The following STPG2 variants were observed in gnomAD, a reference collection of about 807,000 sequenced individuals.
The protein encoded by STPG2 is sperm tail PG-rich repeat containing 2.
A neutral mutation model predicts 54.2 loss-of-function variants in STPG2; 56 were observed. That is an observed-to-expected ratio of 1.03 (90% CI 0.83 to 1.29). STPG2 has a LOEUF of 1.29. Among genes scored for constraint, STPG2 ranks in the 50% most tolerant of loss-of-function variants. The probability of loss-of-function intolerance (pLI) is 0.00; values close to 1 mark genes in which losing one functional copy is unlikely to be tolerated. For missense variants in STPG2, 596 were observed against 544.9 expected (o/e 1.09, Z -0.93); for synonymous variants, 200 against 181.8 (o/e 1.10, Z -0.81).
chr4:97,554,636 T>TA (rs540900133), downstream of STPG2, among the ~76,000 whole-genome samples: 1 of 152,306 alleles, frequency 6.6e-6, no homozygotes, highest in South Asian at 2.1e-4. Context: ...TCTTGAGCTA[T>TA]AAACAACATT....
At chr4:97,785,435 A>G (rs923975370) in intron 9 of STPG2, among the ~76,000 whole-genome samples, 2 of 152,082 alleles carry the variant, frequency 1.3e-5, no homozygotes, top group African/African-American at 4.8e-5. Flanking sequence ...ATTTCATGTC[A>G]TTGATATAAG....
rs956797780 is a variant in STPG2 at position 97,549,323 on chromosome 4, G to A, written c.462+163376C>T. Among the ~76,000 whole-genome samples the A allele has an allele frequency of 1.3e-4, 20 of 152,172 alleles. 1 individual carries two copies. Among genetic ancestry groups the A allele is most frequent in the Admixed American group, 1.3e-3 (20 of 15,272 alleles). ...AGTTAAAACTAAATGAGTGTTTAAA[G>A]AAAATGTAAATTTTCTCTGACTTGC... On this transcript the variant is annotated intron_variant, in intron 4 of 4. Transcript: ENST00000522676.
At chr4:98,052,509 T>C (rs783931) in intron 5 of STPG2, among the ~76,000 whole-genome samples, 130,705 of 152,168 alleles carry the variant, frequency 0.86, 56,283 homozygotes, top group Middle Eastern at 0.97. Flanking sequence ...AGGATATACA[T>C]ATAGGTATGA....
chr4:98,004,915 A>C (rs546976565), intron 5 of STPG2, among the ~76,000 whole-genome samples: 1 of 143,066 alleles, frequency 7.0e-6, no homozygotes, highest in Non-Finnish European at 1.5e-5. Context: ...GTTTAAAAAT[A>C]TTTTTCCTAT....
chr4:97,693,862 A>T (rs1419016407), intron 10 of STPG2, among the ~76,000 whole-genome samples: 1 of 152,144 alleles, frequency 6.6e-6, no homozygotes, highest in Non-Finnish European at 1.5e-5. Flanking sequence ...TCCAAAAGGA[A>T]CCCTCAAAAC....
At chr4:98,061,419 G>C (rs1445215825) in intron 5 of STPG2, among the ~76,000 whole-genome samples, 1 of 152,082 alleles carries the variant, frequency 6.6e-6, no homozygotes, top group Non-Finnish European at 1.5e-5. Flanking sequence ...GAAGGGGAAA[G>C]TGCCACACAC....
chr4:98,109,960 C>G (rs1739298863), intron 3 of STPG2, among the ~76,000 whole-genome samples: 1 of 152,018 alleles, frequency 6.6e-6, no homozygotes, highest in Non-Finnish European at 1.5e-5. Context: ...ACTGTTTCAC[C>G]AGAAACTAAA....
chr4:97,466,703 A>G (rs1170629762), intron 4 of STPG2, among the ~76,000 whole-genome samples: 1 of 152,070 alleles, frequency 6.6e-6, no homozygotes, highest in African/African-American at 2.4e-5. Flanking sequence ...AGAGTTTAAC[A>G]AAATCATCCA....
intron 8 of STPG2, among the ~76,000 whole-genome samples, chr4:97,861,746 G>A (rs1729549489): frequency 6.6e-6 from 1 of 152,168 alleles, no homozygotes; most frequent in Non-Finnish European, 1.5e-5. Flanking sequence ...CTACAAGCCA[G>A]AAGAGAGTGG....
At chr4:98,055,303 C>T (rs967138217) in intron 5 of STPG2, among the ~76,000 whole-genome samples, 1 of 151,898 alleles carries the variant, frequency 6.6e-6, no homozygotes, top group African/African-American at 2.4e-5. Context: ...CAACTAGATG[C>T]AGACAAGTGA....
At chr4:98,075,034 C>T (rs1379479908) in intron 5 of STPG2, among the ~76,000 whole-genome samples, 1 of 152,156 alleles carries the variant, frequency 6.6e-6, no homozygotes, top group Non-Finnish European at 1.5e-5. Flanking sequence ...ATCTTAGGTC[C>T]ATCAGGGATT....
intron 4 of STPG2, among the ~76,000 whole-genome samples, chr4:97,457,285 A>G (rs532942312): frequency 2.0e-5 from 3 of 152,372 alleles, no homozygotes; most frequent in East Asian, 3.9e-4. Flanking sequence ...ACTTATGTCT[A>G]TTCAAAAACC....
chr4:98,139,275 G>A (rs1334901138), intron 1 of STPG2, among the ~76,000 whole-genome samples: 2 of 152,180 alleles, frequency 1.3e-5, no homozygotes, highest in Non-Finnish European at 2.9e-5. Flanking sequence ...AAAATGTAGA[G>A]ACAATACCCT....
At chr4:97,695,692 T>C (rs562017137) in intron 10 of STPG2, among the ~76,000 whole-genome samples, 152 of 151,456 alleles carry the variant, frequency 1.0e-3, no homozygotes, top group Middle Eastern at 3.4e-3. Flanking sequence ...TAGTCTGCTA[T>C]ACACCAACAC....
intron 7 of STPG2, among the ~76,000 whole-genome samples, chr4:97,966,441 AAACAC>A (rs1467999164): frequency 6.6e-6 from 1 of 152,240 alleles, no homozygotes; most frequent in Non-Finnish European, 1.5e-5. Flanking sequence ...CCAAGCTGGA[AAACAC>A]TCTTCACAAT....
intron 5 of STPG2, among the ~76,000 whole-genome samples, chr4:98,090,804 T>G (rs1213785265): frequency 1.3e-5 from 2 of 152,028 alleles, no homozygotes; most frequent in African/African-American, 4.8e-5. Context: ...TATCCCAGAT[T>G]AAGTCCCTAA....
intron 1 of STPG2, among the ~76,000 whole-genome samples, chr4:98,136,553 A>G (rs1405104714): frequency 1.3e-5 from 2 of 151,780 alleles, no homozygotes; most frequent in African/African-American, 4.8e-5. Context: ...TACTGAATGC[A>G]TATTACTTTC....
At chr4:97,697,843 T>C (rs761942833) in intron 10 of STPG2, among the ~76,000 whole-genome samples, 1 of 152,226 alleles carries the variant, frequency 6.6e-6, no homozygotes, top group Non-Finnish European at 1.5e-5. Context: ...CTTAAGGACA[T>C]GTTCCTGCTG....
At chr4:97,933,647 C>A (rs1000158427) in intron 8 of STPG2, among the ~76,000 whole-genome samples, 1 of 152,130 alleles carries the variant, frequency 6.6e-6, no homozygotes, top group Admixed American at 6.6e-5. Flanking sequence ...CTGTTTTTGT[C>A]AGGTTTGTCA....
Sources: gnomAD v4.1 joint callset for allele counts (sites outside exome capture counted in the v4.1 genomes callset) on GRCh38, gnomAD v4.1.1 for gene constraint, MANE v1.5 for transcripts, NCBI Gene and HGNC (gene_info 2026-07-23, HGNC 2026-07-21) for gene names.